The following SLC35F1 variants were observed in gnomAD, a reference collection of about 807,000 sequenced individuals.
The protein encoded by SLC35F1 is solute carrier family 35 member F1.
Under a neutral mutation model 48.7 loss-of-function variants are expected in SLC35F1, and 14 were observed. The observed-to-expected ratio is 0.29, with a 90% CI of 0.19 to 0.45. SLC35F1 has a LOEUF of 0.45. Among genes scored for constraint, SLC35F1 ranks in the 20% least tolerant of loss-of-function variants. The pLI, the probability that SLC35F1 is intolerant of heterozygous loss-of-function variation, is 1.00. For missense variants in SLC35F1, 404 were observed against 500.0 expected (o/e 0.81, Z 1.83); for synonymous variants, 190 against 202.2 (o/e 0.94, Z 0.51).
At chr6:118,286,892 G>A (rs1776057946) in intron 7 of SLC35F1, among the ~76,000 whole-genome samples, 1 of 151,934 alleles carries the variant, frequency 6.6e-6, no homozygotes, top group Admixed American at 6.6e-5. Flanking sequence ...TCACCATGCT[G>A]TATGTTAGGT....
chr6:118,206,140 A>C (rs1774933059), intron 2 of SLC35F1, among the ~76,000 whole-genome samples: 1 of 152,256 alleles, frequency 6.6e-6, no homozygotes, highest in Admixed American at 6.5e-5. Context: ...TTATACACTT[A>C]AAAATAGTTA....
At chr6:118,100,536 A>T (rs953547706) in intron 1 of SLC35F1, among the ~76,000 whole-genome samples, 7 of 152,208 alleles carry the variant, frequency 4.6e-5, no homozygotes, top group Admixed American at 3.3e-4. Context: ...TAGCAAAAGT[A>T]TCAACATTAG....
chr6:117,907,663 C>T lies in SLC35F1; in HGVS notation c.-64C>T. The T allele has an allele frequency of 1.9e-6, 2 of 1,040,636 alleles. No individual in the cohort carries two copies. The highest frequency in any genetic ancestry group is 1.3e-6 in the Non-Finnish European group (1 of 755,770). The allele number at this position is 1,040,636 out of a possible 1,614,324, so 64.5% of individuals were successfully genotyped here. A position where few individuals can be genotyped will look rare whatever the true frequency, so the allele number is the denominator to read the frequency against. On this transcript the variant is annotated 5_prime_UTR_variant, in exon 1 of 8. Coordinates refer to ENST00000360388, the MANE Select transcript of SLC35F1 (RefSeq NM_001029858.4). ...CGGGTCCTCTGCGCGTTCCCGGGCC[C>T]GGAACCGGCACACGATGCACCCGGC...
At position 117,907,546 on chromosome 6, in the gene SLC35F1, G is replaced by A; in HGVS notation, c.-181G>A. 2 of 363,952 alleles carry A rather than the reference G, an allele frequency of 5.5e-6. No homozygotes were observed. Among genetic ancestry groups the A allele is most frequent in the South Asian group, 1.7e-4 (2 of 11,674 alleles). 22.5% of individuals were successfully genotyped at this position (363,952 alleles called of 1,614,324 possible). The stretch of plus-strand genomic sequence containing the variant: ...GCACTGGGACTGGAGAGGAGTGAGT[G>A]GCGGGCTGGGCGGCGGCGGCCGTAG... On this transcript the variant is annotated 5_prime_UTR_variant, in exon 1 of 8. Transcript: ENST00000360388.
intron 2 of SLC35F1, among the ~76,000 whole-genome samples, chr6:118,206,149 T>A (rs1401603094): frequency 6.6e-6 from 1 of 152,254 alleles, no homozygotes; most frequent in Non-Finnish European, 1.5e-5. Context: ...TAAAAATAGT[T>A]AAAATGATTA....
At chr6:117,964,366 C>A (rs1304339776) in intron 1 of SLC35F1, among the ~76,000 whole-genome samples, 1 of 152,232 alleles carries the variant, frequency 6.6e-6, no homozygotes, top group African/African-American at 2.4e-5. Context: ...TTTACTCTCA[C>A]ATCCAATTTA....
At chr6:118,285,101 C>T (rs1179560026) in intron 6 of SLC35F1, 83 bp from the exon 7 acceptor site, 4 of 1,485,228 alleles carry the variant, frequency 2.7e-6, no homozygotes, top group African/African-American at 2.8e-5. Context: ...GTGGTGTGCA[C>T]TCTTCCCCTT....
At chr6:118,067,847 G>A (rs569451658) in intron 1 of SLC35F1, among the ~76,000 whole-genome samples, 1 of 152,238 alleles carries the variant, frequency 6.6e-6, no homozygotes, top group East Asian at 1.9e-4. Context: ...CTGAGTGTCT[G>A]ATTCAGTAGA....
intron 1 of SLC35F1, among the ~76,000 whole-genome samples, chr6:118,042,436 TGAA>T (rs1482538192): frequency 6.6e-6 from 1 of 152,132 alleles, no homozygotes; most frequent in African/African-American, 2.4e-5. Flanking sequence ...CTGGGGAGCA[TGAA>T]GAAGGTCATC....
At chr6:118,278,998 G>A (rs536691054) in intron 6 of SLC35F1, among the ~76,000 whole-genome samples, 3 of 152,304 alleles carry the variant, frequency 2.0e-5, no homozygotes, top group African/African-American at 7.2e-5. Flanking sequence ...GTCCCCTATA[G>A]TTGAAGATGA....
intron 1 of SLC35F1, among the ~76,000 whole-genome samples, chr6:117,910,004 T>G (rs532574654): frequency 6.6e-6 from 1 of 152,358 alleles, no homozygotes; most frequent in Non-Finnish European, 1.5e-5. Context: ...AAATTTTCAA[T>G]ATAATATTTT....
chr6:118,002,193 A>T (rs1318975855), intron 1 of SLC35F1, among the ~76,000 whole-genome samples: 1 of 151,802 alleles, frequency 6.6e-6, no homozygotes, highest in Non-Finnish European at 1.5e-5. Flanking sequence ...AAAGACTTGG[A>T]ACCAACCCAA....
chr6:117,996,127 T>C (rs1280625308), intron 1 of SLC35F1, among the ~76,000 whole-genome samples: 1 of 152,212 alleles, frequency 6.6e-6, no homozygotes, highest in Non-Finnish European at 1.5e-5. Flanking sequence ...TGATTACTTC[T>C]TCTGAAATAC....
At chr6:118,218,484 A>T (rs1775103805) in intron 2 of SLC35F1, among the ~76,000 whole-genome samples, 1 of 152,204 alleles carries the variant, frequency 6.6e-6, no homozygotes, top group Non-Finnish European at 1.5e-5. Flanking sequence ...CAAAGGAAGT[A>T]AAAAGGGCTG....
chr6:118,291,240 TATACACACAC>T (rs1776117788), intron 7 of SLC35F1, among the ~76,000 whole-genome samples: 1 of 94,922 alleles, frequency 1.1e-5, no homozygotes, highest in Non-Finnish European at 2.1e-5. Flanking sequence ...CTGTATCATG[TATACACACAC>T]ACACACACAC....
chr6:118,283,115 C>A (rs1399019252), intron 6 of SLC35F1, among the ~76,000 whole-genome samples: 1 of 152,216 alleles, frequency 6.6e-6, no homozygotes, highest in Non-Finnish European at 1.5e-5. Flanking sequence ...CCAGCTTCCT[C>A]TGCCCGTTCT....
chr6:118,235,036 T>C (rs966147964), intron 2 of SLC35F1, among the ~76,000 whole-genome samples: 4 of 152,290 alleles, frequency 2.6e-5, no homozygotes, highest in Admixed American at 1.3e-4. Flanking sequence ...TCAAAGCTGA[T>C]CAGGAACTCA....
At chr6:118,193,883 A>C (rs1034368894) in intron 2 of SLC35F1, among the ~76,000 whole-genome samples, 3 of 152,212 alleles carry the variant, frequency 2.0e-5, no homozygotes, top group African/African-American at 7.2e-5. Context: ...TAGCAAACCT[A>C]ATATCTGACC....
chr6:118,060,494 C>T (rs1315997562), intron 1 of SLC35F1, among the ~76,000 whole-genome samples: 2 of 151,914 alleles, frequency 1.3e-5, no homozygotes, highest in Non-Finnish European at 2.9e-5. Context: ...ACAAAGGATA[C>T]CCACATTTCT....
Sources: gnomAD v4.1 joint callset for allele counts (sites outside exome capture counted in the v4.1 genomes callset) on GRCh38, gnomAD v4.1.1 for gene constraint, MANE v1.5 for transcripts, NCBI Gene and HGNC (gene_info 2026-07-23, HGNC 2026-07-21) for gene names.